Variants in BICD1 observed in about 807,000 individuals in gnomAD.
The protein encoded by BICD1 is BICD cargo adaptor 1.
BICD1 carries 35 observed loss-of-function variants against 92.5 expected under a neutral mutation model. The observed-to-expected ratio is 0.38, with a 90% confidence interval of 0.29 to 0.50. The LOEUF is 0.50. BICD1 is among the 20% of genes least tolerant of loss of function. The probability of loss-of-function intolerance (pLI) is 0.93; values close to 1 mark genes in which losing one functional copy is unlikely to be tolerated. For missense variants in BICD1, 950 were observed against 1,189.8 expected, an observed-to-expected ratio of 0.80 and a Z score of 2.97; for synonymous variants, 429 against 465.1, an observed-to-expected ratio of 0.92 and a Z score of 1.00.
chr12:32,234,823 T>C (rs1215405859), intron 2 of BICD1, among the ~76,000 whole-genome samples: 2 of 151,974 alleles, frequency 1.3e-5, no homozygotes, highest in East Asian at 3.9e-4. Flanking sequence ...TAGCTGGGAC[T>C]ACAGCCATGT....
In BICD1 at chr12:32,367,822, G is replaced by A; in HGVS notation, c.2840+77G>A. ...ACCCCAGCTCCCCTTTCCGACACCT[G>A]AACTGCCTACGCATCATTGTATTTT... On this transcript the variant is annotated intron_variant, in intron 9 of 9. Coordinates refer to ENST00000652176, the MANE Select transcript of BICD1 (RefSeq NM_001714.4). 7 of 1,297,700 alleles carry A rather than the reference G, an allele frequency of 5.4e-6. No homozygotes were observed. The South Asian group carries it at 8.4e-5, about 16-fold the overall frequency. 80.4% of individuals were successfully genotyped at this position (1,297,700 alleles called of 1,614,324 possible). A position where few individuals can be genotyped will look rare whatever the true frequency, so the allele number is the denominator to read the frequency against.
At position 32,313,349 on chromosome 12, in the gene BICD1, A is replaced by G. The variant is rs1948426309; in HGVS notation, c.1005+7227A>G. 6.6e-6 allele frequency among the ~76,000 whole-genome samples: 1 copy of G among 152,126 alleles called. No homozygotes were observed. The highest frequency in any genetic ancestry group is 2.4e-5 in the African/African-American group (1 of 41,426). On this transcript the variant is annotated intron_variant, in intron 4 of 9. Transcript: ENST00000652176. The surrounding 1 kb of genome is among the most constrained non-coding windows in gnomAD (Gnocchi z 4.2). ...ATATGTCCCATAAGAGTTCAAAGCA[A>G]TTTTTATATATTTGCTTAATTGGTT...
intron 2 of BICD1, among the ~76,000 whole-genome samples, chr12:32,266,016 A>G (rs1946985983): frequency 6.6e-6 from 1 of 152,134 alleles, no homozygotes; most frequent in Non-Finnish European, 1.5e-5. Context: ...TCCATAGTCT[A>G]TAGAGACTTT....
chr12:32,303,826 G>A (rs1274380782), intron 3 of BICD1, among the ~76,000 whole-genome samples: 7 of 152,168 alleles, frequency 4.6e-5, no homozygotes, highest in Non-Finnish European at 1.0e-4. Flanking sequence ...TGTAATCCCA[G>A]CACTTTGGGA....
At chr12:32,364,175 G>C (rs57740269) in intron 8 of BICD1, among the ~76,000 whole-genome samples, 4,469 of 152,238 alleles carry the variant, frequency 0.029, 228 homozygotes, top group African/African-American at 0.1. Context: ...TTAGTAACTT[G>C]ACTGTTGAAT....
intron 2 of BICD1, among the ~76,000 whole-genome samples, chr12:32,268,698 A>C (rs564821037): frequency 6.6e-6 from 1 of 152,326 alleles, no homozygotes; most frequent in South Asian, 2.1e-4. Context: ...TGGGAGGCTG[A>C]GGCAGAAGAA....
At chr12:32,343,542 A>G (rs1938460941) in intron 8 of BICD1, among the ~76,000 whole-genome samples, 2 of 152,186 alleles carry the variant, frequency 1.3e-5, no homozygotes, top group South Asian at 2.1e-4. Flanking sequence ...TTTGAACTCA[A>G]TCTGGAAGTA....
intron 2 of BICD1, among the ~76,000 whole-genome samples, chr12:32,272,591 G>A (rs1417068257): frequency 6.6e-6 from 1 of 152,074 alleles, no homozygotes; most frequent in African/African-American, 2.4e-5. Flanking sequence ...GAGGCCTGGG[G>A]AATTTCTTCA....
In BICD1 at chr12:32,140,036, C is replaced by A. The variant is rs57434126; in HGVS notation, c.213+32492C>A. 7.3e-3 allele frequency among the ~76,000 whole-genome samples: 1,109 copies of A among 152,252 alleles called. 15 individuals carry two copies. Among genetic ancestry groups the A allele is most frequent in the African/African-American group, 0.025 (1,044 of 41,538 alleles). On this transcript the variant is annotated intron_variant, in intron 1 of 9. Coordinates refer to ENST00000652176, the MANE Select transcript of BICD1 (RefSeq NM_001714.4). ...GTGGCTCCTGCCTTTGTAGTGGATT[C>A]CCTTGCTGTGCTGTAATTAAGTCAG... is the stretch of plus-strand genomic sequence containing the variant.
At chr12:32,110,610 A>T (rs1941648503) in intron 1 of BICD1, among the ~76,000 whole-genome samples, 1 of 152,110 alleles carries the variant, frequency 6.6e-6, no homozygotes, top group Non-Finnish European at 1.5e-5. Flanking sequence ...TATGTTTGGG[A>T]TGTACGTAAA....
At chr12:32,275,732 C>T (rs751345783) in intron 2 of BICD1, among the ~76,000 whole-genome samples, 1 of 152,112 alleles carries the variant, frequency 6.6e-6, no homozygotes, top group South Asian at 2.1e-4. Context: ...GCAGGGTGTC[C>T]GCTGTGCTCC....
chr12:32,374,535 A>G (rs1939856165), intron 9 of BICD1, among the ~76,000 whole-genome samples: 1 of 139,274 alleles, frequency 7.2e-6, no homozygotes, highest in Non-Finnish European at 1.6e-5. Context: ...GCCATACATT[A>G]TTTTCTGTTT....
intron 1 of BICD1, among the ~76,000 whole-genome samples, chr12:32,137,615 A>G (rs1942776946): frequency 6.6e-6 from 1 of 152,126 alleles, no homozygotes; most frequent in African/African-American, 2.4e-5. Context: ...CATCATGTGC[A>G]ACCATTGTTA....
chr12:32,119,366 A>G (rs1181328072), intron 1 of BICD1, among the ~76,000 whole-genome samples: 1 of 152,176 alleles, frequency 6.6e-6, no homozygotes, highest in Non-Finnish European at 1.5e-5. Context: ...GTGACTTTCA[A>G]TACAGACTGT....
chr12:32,287,532 T>G (rs944314777), intron 2 of BICD1, among the ~76,000 whole-genome samples: 1 of 109,088 alleles, frequency 9.2e-6, no homozygotes. Context: ...CTGGGTGGTG[T>G]TTTTTTTTTT....
chr12:32,361,662 TC>T (rs1171111121), intron 8 of BICD1, among the ~76,000 whole-genome samples: 1 of 151,912 alleles, frequency 6.6e-6, no homozygotes, highest in Non-Finnish European at 1.5e-5. Flanking sequence ...ACGTGGAGCA[TC>T]CGGAGGTTGT....
intron 1 of BICD1, among the ~76,000 whole-genome samples, chr12:32,145,373 CTA>C (rs1014644655): frequency 3.3e-5 from 5 of 152,114 alleles, no homozygotes; most frequent in African/African-American, 9.7e-5. Context: ...TGTCAAAATC[CTA>C]TGTTTGTGTT....
At chr12:32,259,867 G>C (rs938162924) in intron 2 of BICD1, among the ~76,000 whole-genome samples, 3 of 151,864 alleles carry the variant, frequency 2.0e-5, no homozygotes, top group East Asian at 3.9e-4. Flanking sequence ...CTGTAGGATA[G>C]AGAAAACAAG....
intron 1 of BICD1, among the ~76,000 whole-genome samples, chr12:32,110,930 AT>A (rs1329894464): frequency 1.3e-5 from 2 of 151,942 alleles, no homozygotes; most frequent in Non-Finnish European, 2.9e-5. Context: ...TGGCACATGT[AT>A]ACATATGTAA....
Sources: allele counts gnomAD v4.1 joint callset (sites outside exome capture counted in the v4.1 genomes callset), GRCh38; gene constraint gnomAD v4.1.1; non-coding constraint Gnocchi (gnomAD v3.1); transcripts MANE v1.5; gene names NCBI Gene and HGNC (gene_info 2026-07-23, HGNC 2026-07-21).